ITPK1: variants seen among roughly 807,000 people sequenced by gnomAD.
The protein encoded by ITPK1 is inositol-tetrakisphosphate 1-kinase, also known as inositol 1,3,4-trisphosphate 5/6-kinase.
Under a neutral mutation model 45.3 loss-of-function variants are expected in ITPK1, and 21 were observed. The ratio of observed to expected loss-of-function variants is 0.46; its 90% CI spans 0.33 to 0.67. ITPK1 has a LOEUF of 0.67. Ranked by LOEUF, ITPK1 falls within the 30% of genes least tolerant of loss-of-function variation. The pLI, the probability that ITPK1 is intolerant of heterozygous loss-of-function variation, is 0.02. For missense variants in ITPK1, 474 were observed against 573.5 expected (o/e 0.83, Z 1.77); for synonymous variants, 258 against 253.6 (o/e 1.02, Z -0.16).
chr14:92,993,895 C>T lies in ITPK1; in HGVS notation c.349G>A (p.Glu117Lys). ...SKSYELIRKI[E>K]AYMEDDRICS... ...GTGTCCCTACCTTCCATGTAGGCCTCAATCTTCCGGATGAGCTCATAGGAC... is the reference window on the plus strand; with the variant it reads ...GTGTCCCTACCTTCCATGTAGGCCTTAATCTTCCGGATGAGCTCATAGGAC... The change falls in exon 5 of 11, where the codon GAG (glutamate) becomes AAG (lysine). Residue 117 changes from glutamate to lysine, a missense_variant. Glu to Lys is a moderately conservative substitution (Grantham distance 56). Transcript: ENST00000267615. 6.2e-7 allele frequency: 1 copy of T among 1,610,502 alleles called. No homozygotes were observed. The highest frequency in any genetic ancestry group is 1.3e-5 in the African/African-American group (1 of 74,974).
chr14:93,076,670 T>A lies in ITPK1; in HGVS notation c.96-51A>T, dbSNP rs910196318. The stretch of plus-strand genomic sequence containing the variant: ...GCGTTACTCCAGCAGGCTGGACACG[T>A]CCTTTCCGAAGGTTCCCGACAGCCG... On this transcript the variant is annotated intron_variant, in intron 2 of 10. Coordinates refer to ENST00000267615, the MANE Select transcript of ITPK1 (RefSeq NM_014216.6). This position sits in a 1 kb window ranked among gnomAD's most constrained non-coding sequence, Gnocchi z 4.3. The A allele has an allele frequency of 1.9e-6, 3 of 1,612,586 alleles. No homozygotes were observed. The highest frequency in any genetic ancestry group is 2.7e-5 in the African/African-American group (2 of 74,888).
intron 3 of ITPK1, among the ~76,000 whole-genome samples, chr14:93,061,457 T>C (rs1740591): frequency 0.8 from 121,536 of 152,126 alleles, 48,757 homozygotes; most frequent in East Asian, 0.91. Flanking sequence ...GCGGCTAGGC[T>C]ACAGCCCCCA....
intron 5 of ITPK1, among the ~76,000 whole-genome samples, chr14:92,973,758 A>T (rs1273710573): frequency 6.6e-6 from 1 of 152,208 alleles, no homozygotes; most frequent in Non-Finnish European, 1.5e-5. Flanking sequence ...CACAGGCCTG[A>T]GCCAGGAGGG....
intron 5 of ITPK1, among the ~76,000 whole-genome samples, chr14:92,974,541 C>T (rs1270434045): frequency 6.6e-6 from 1 of 152,162 alleles, no homozygotes; most frequent in South Asian, 2.1e-4. Context: ...GCATGTGCAG[C>T]GATGCATACA....
chr14:93,114,620 C>T (rs968253344), intron 2 of ITPK1, among the ~76,000 whole-genome samples: 1 of 152,204 alleles, frequency 6.6e-6, no homozygotes, highest in East Asian at 1.9e-4. Flanking sequence ...GAGCCGAGCA[C>T]ACGCGGGGCA....
At chr14:92,949,005 G>A (rs1887828616) in intron 9 of ITPK1, among the ~76,000 whole-genome samples, 1 of 151,524 alleles carries the variant, frequency 6.6e-6, no homozygotes. Flanking sequence ...CAGCCTCAAG[G>A]CCTTGGTGTC....
Position 92,962,813 on chromosome 14 carries a change from G to A in ITPK1, c.401C>T (p.Thr134Met), listed in dbSNP as rs1190922142. Reference sequence around the variant, plus strand: ...CATGGTGTCATCCCCGCACAGGCTCGTGAGCTCCATGAAGGGTGGCGAGCA... The same window carrying A: ...CATGGTGTCATCCCCGCACAGGCTCATGAGCTCCATGAAGGGTGGCGAGCA... ...RICSPPFMEL[T>M]SLCGDDTMRL... Residue 134 changes from threonine to methionine, a missense_variant, in exon 6 of 11, where the codon ACG becomes ATG. Coordinates refer to ENST00000267615, the MANE Select transcript of ITPK1 (RefSeq NM_014216.6). The A allele has an allele frequency of 2.5e-6, 4 of 1,613,804 alleles. No individual in the cohort carries two copies. The highest frequency in any genetic ancestry group is 2.7e-5 in the African/African-American group (2 of 75,038).
intron 2 of ITPK1, among the ~76,000 whole-genome samples, chr14:93,089,158 G>C (rs2402240): frequency 6.6e-6 from 1 of 152,084 alleles, no homozygotes; most frequent in Non-Finnish European, 1.5e-5. Context: ...AGGCCAAAAG[G>C]ATGGATGCCA....
chr14:92,941,317 A>G lies in ITPK1; in HGVS notation c.*244T>C. On this transcript the variant is annotated 3_prime_UTR_variant, in exon 11 of 11. Transcript: ENST00000267615. ...AACACAAGCGTGTGTAAACTCAGTTAGGAGGTCTGCACAGTAGAGAGCAGG... is the reference window on the plus strand; with the variant it reads ...AACACAAGCGTGTGTAAACTCAGTTGGGAGGTCTGCACAGTAGAGAGCAGG... 7.1e-7 allele frequency: 1 copy of G among 1,404,946 alleles called. No individual in the cohort carries two copies. The highest frequency in any genetic ancestry group is 2.7e-5 in the East Asian group (1 of 37,158). The allele number at this position is 1,404,946 out of a possible 1,614,324, so 87.0% of individuals were successfully genotyped here.
intron 3 of ITPK1, among the ~76,000 whole-genome samples, chr14:93,033,114 G>C (rs1889147852): frequency 6.6e-6 from 1 of 152,218 alleles, no homozygotes; most frequent in South Asian, 2.1e-4. Context: ...ACTCAAATTT[G>C]TTGGGTCCCA....
At chr14:92,978,913 G>C (rs756213827) in intron 5 of ITPK1, among the ~76,000 whole-genome samples, 17 of 152,306 alleles carry the variant, frequency 1.1e-4, no homozygotes, top group East Asian at 1.9e-4. Flanking sequence ...TGTGAGAAGA[G>C]AGCCACCATC....
At chr14:92,962,890 A>G in intron 5 of ITPK1, 41 bp from the exon 6 acceptor site, 1 of 1,432,932 alleles carries the variant, frequency 7.0e-7, no homozygotes, top group Non-Finnish European at 9.7e-7. Flanking sequence ...GCTCCTGGGC[A>G]GCCGCCCCAG....
intron 3 of ITPK1, among the ~76,000 whole-genome samples, chr14:93,033,739 T>C (rs1889178034): frequency 6.6e-6 from 1 of 152,104 alleles, no homozygotes; most frequent in South Asian, 2.1e-4. Context: ...CCCCAGGGCC[T>C]CAGGAACCAG....
At position 93,090,046 on chromosome 14, in the gene ITPK1, GCA is replaced by G. The variant is rs559181524; in HGVS notation, c.96-13429_96-13428del. 3.2e-3 allele frequency among the ~76,000 whole-genome samples: 484 copies of G among 152,192 alleles called. 1 individual carries two copies. Among genetic ancestry groups the G allele is most frequent in the Non-Finnish European group, 5.9e-3 (402 of 67,988 alleles). On this transcript the variant is annotated intron_variant, in intron 2 of 10. Coordinates refer to ENST00000267615, the MANE Select transcript of ITPK1 (RefSeq NM_014216.6). ...ACCAGGCGGTCTCCCTGCTGTCCCT[GCA>G]CACACACTCTGCACCTTCTGCATCT...
chr14:93,094,738 C>A (rs999844424), intron 2 of ITPK1, among the ~76,000 whole-genome samples: 12 of 152,214 alleles, frequency 7.9e-5, no homozygotes, highest in African/African-American at 2.9e-4. Context: ...GGGACGGGAC[C>A]CACTGCAGGC....
intron 2 of ITPK1, among the ~76,000 whole-genome samples, chr14:93,085,262 C>T (rs1207024575): frequency 6.6e-6 from 1 of 152,246 alleles, no homozygotes; most frequent in East Asian, 1.9e-4. Flanking sequence ...AGGGAAGAAC[C>T]AGATAAACTG....
At chr14:93,006,801 C>T (rs1887636814) in intron 4 of ITPK1, among the ~76,000 whole-genome samples, 1 of 152,204 alleles carries the variant, frequency 6.6e-6, no homozygotes, top group African/African-American at 2.4e-5. Flanking sequence ...AAAGAGAACA[C>T]TATTATTTGG....
chr14:93,048,065 A>G (rs903584472), intron 3 of ITPK1, among the ~76,000 whole-genome samples: 4 of 152,208 alleles, frequency 2.6e-5, no homozygotes, highest in African/African-American at 9.6e-5. Flanking sequence ...TTTTTCTTTC[A>G]TATTGACAGC....
In ITPK1 at chr14:92,941,163, C is replaced by T; in HGVS notation, c.*398G>A. 4.1e-6 allele frequency: 5 copies of T among 1,217,468 alleles called. No homozygotes were observed. Among genetic ancestry groups the T allele is most frequent in the Non-Finnish European group, 5.2e-6 (5 of 964,564 alleles). 75.4% of individuals were successfully genotyped at this position (1,217,468 alleles called of 1,614,324 possible). A position where few individuals can be genotyped will look rare whatever the true frequency, so the allele number is the denominator to read the frequency against. Reference sequence around the variant, plus strand: ...CACCGATCAGCCTCCCACAGCCCGACATGGGCAGGCTTCCCCCAAGGGTCC... The same window carrying T: ...CACCGATCAGCCTCCCACAGCCCGATATGGGCAGGCTTCCCCCAAGGGTCC... On this transcript the variant is annotated 3_prime_UTR_variant, in exon 11 of 11. Coordinates refer to ENST00000267615, the MANE Select transcript of ITPK1 (RefSeq NM_014216.6).
Sources: gnomAD v4.1 joint callset for allele counts (sites outside exome capture counted in the v4.1 genomes callset) on GRCh38, gnomAD v4.1.1 for gene constraint, Gnocchi (gnomAD v3.1) non-coding constraint, MANE v1.5 for transcripts, NCBI Gene and HGNC (gene_info 2026-07-23, HGNC 2026-07-21) for gene names.